Variants in MYPN observed in about 807,000 individuals in gnomAD.
MYPN encodes myopalladin, also known as sarcomeric protein myopalladin, 145 kDa (MYOP).
MYPN carries 63 observed loss-of-function variants against 129.4 expected under a neutral mutation model. That is an observed-to-expected ratio of 0.49 (90% CI 0.40 to 0.60). The LOEUF (loss-of-function observed/expected upper bound fraction) is 0.60. MYPN is among the 20% of genes least tolerant of loss of function. MYPN has a pLI of 0.00. For synonymous variants in MYPN, 629 were observed against 600.9 expected, an observed-to-expected ratio of 1.05 and a Z score of -0.68; for missense variants, 1,596 against 1,635.4, an observed-to-expected ratio of 0.98 and a Z score of 0.42.
At chr10:68,160,584 C>T (rs1388859173) in intron 7 of MYPN, among the ~76,000 whole-genome samples, 1 of 152,116 alleles carries the variant, frequency 6.6e-6, no homozygotes, top group Non-Finnish European at 1.5e-5. Flanking sequence ...CCACCGTGGG[C>T]ACTTTCATGA....
At position 68,179,311 on chromosome 10, in the gene MYPN, G is replaced by C. The variant is rs181883627; in HGVS notation, c.2703+3850G>C. Among the ~76,000 whole-genome samples, 7 of 152,270 alleles carry C rather than the reference G, an allele frequency of 4.6e-5. No homozygotes were observed. The East Asian group carries it at 9.6e-4, about 21-fold the overall frequency. ...CTTTGGGCATTTCAGGACCTTGGCT[G>C]CTGGGATAGTGAAGTGTCTCTGTAT... is the stretch of plus-strand genomic sequence containing the variant. On this transcript the variant is annotated intron_variant, in intron 12 of 19. Transcript: ENST00000358913.
chr10:68,183,679 A>G (rs1467136632), intron 12 of MYPN, among the ~76,000 whole-genome samples: 1 of 152,198 alleles, frequency 6.6e-6, no homozygotes, highest in African/African-American at 2.4e-5. Flanking sequence ...ATTTGAGGAC[A>G]TAATAAAACA....
At chr10:68,160,407 G>A (rs1292028910) in intron 7 of MYPN, among the ~76,000 whole-genome samples, 6 of 118,522 alleles carry the variant, frequency 5.1e-5, no homozygotes, top group African/African-American at 2.0e-4. Context: ...TCCAGCCTGA[G>A]CAACAGAGTG....
At chr10:68,200,726 C>T (rs2043695624) in intron 17 of MYPN, among the ~76,000 whole-genome samples, 2 of 151,930 alleles carry the variant, frequency 1.3e-5, no homozygotes, top group Non-Finnish European at 2.9e-5. Context: ...CCACTGCACT[C>T]CAGCCTGGGT....
intron 2 of MYPN, among the ~76,000 whole-genome samples, chr10:68,130,747 A>G (rs2042397409): frequency 6.6e-6 from 1 of 152,136 alleles, no homozygotes; most frequent in South Asian, 2.1e-4. Flanking sequence ...GTCTTCTAAA[A>G]ATTTTGTAAT....
At chr10:68,117,327 T>C (rs749882265) in intron 1 of MYPN, among the ~76,000 whole-genome samples, 13 of 151,678 alleles carry the variant, frequency 8.6e-5, no homozygotes, top group Non-Finnish European at 1.6e-4. Context: ...CTATGTGCTA[T>C]GTGGGTGCAG....
chr10:68,174,039 C>G (rs1271540668), intron 10 of MYPN, 27 bp from the exon 11 acceptor site: 1 of 1,535,046 alleles, frequency 6.5e-7, no homozygotes, highest in East Asian at 2.2e-5. Flanking sequence ...ATTTCCTTCT[C>G]TCTCTCCACC....
chr10:68,175,458 G>T lies in MYPN; in HGVS notation c.2700G>T (p.Gln900His). ...KITFSDVRPN[Q>H]QEYKISSFEQ... ...CTTTCAGTGATGTCAGACCAAACCA[G>T]CAGGTAAGATTGTTGGATTTAGAAG... Residue 900 changes from glutamine to histidine, a missense_variant, in exon 12 of 20, where the codon CAG becomes CAT. Transcript: ENST00000358913. 1 of 1,614,072 alleles carries T rather than the reference G, an allele frequency of 6.2e-7. No homozygotes were observed. Among genetic ancestry groups the T allele is most frequent in the Middle Eastern group, 1.6e-4 (1 of 6,062 alleles).
chr10:68,123,577 T>A (rs1412695853), intron 2 of MYPN, among the ~76,000 whole-genome samples: 1 of 148,974 alleles, frequency 6.7e-6, no homozygotes, highest in Non-Finnish European at 1.5e-5. Context: ...TCCCAGCTAC[T>A]TGAGAGGCTG....
At chr10:68,091,178 G>A (rs2041929594) in intron 1 of MYPN, among the ~76,000 whole-genome samples, 1 of 152,022 alleles carries the variant, frequency 6.6e-6, no homozygotes, top group Non-Finnish European at 1.5e-5. Context: ...AGAAAGGCAG[G>A]TAATTGATTA....
Position 68,211,438 on chromosome 10 carries a change from A to G in MYPN, c.*983A>G, listed in dbSNP as rs1352548212. The G allele has an allele frequency of 2.2e-6, 1 of 453,994 alleles. No individual in the cohort carries two copies. The highest frequency in any genetic ancestry group is 2.0e-5 in the African/African-American group (1 of 50,010). 28.1% of individuals were successfully genotyped at this position (453,994 alleles called of 1,614,324 possible). Reference sequence around the variant, plus strand: ...GAGTGTTGTTTTTGTCACTTGCCCCAGCAGAGCAGGGGTTTTGGAAGGAGA... The same window carrying G: ...GAGTGTTGTTTTTGTCACTTGCCCCGGCAGAGCAGGGGTTTTGGAAGGAGA... On this transcript the variant is annotated 3_prime_UTR_variant, in exon 20 of 20. Coordinates refer to ENST00000358913, the MANE Select transcript of MYPN (RefSeq NM_032578.4).
intron 17 of MYPN, among the ~76,000 whole-genome samples, chr10:68,200,541 T>C (rs1318333917): frequency 1.3e-5 from 2 of 152,078 alleles, no homozygotes; most frequent in Non-Finnish European, 2.9e-5. Context: ...GTGGATCACC[T>C]GAGGTTAGGA....
At chr10:68,137,356 G>A (rs892065116) in intron 2 of MYPN, among the ~76,000 whole-genome samples, 5 of 152,136 alleles carry the variant, frequency 3.3e-5, no homozygotes, top group Non-Finnish European at 1.5e-5. Context: ...AACAGGAGGA[G>A]TATTTTAATA....
Position 68,141,800 on chromosome 10 carries a change from C to T in MYPN, c.903-1140C>T, listed in dbSNP as rs558712475. On this transcript the variant is annotated intron_variant, in intron 2 of 19. Transcript: ENST00000358913. ...TATGGTGGGGCGACATAATGAAACC[C>T]GTAAACCCCATTTCTTATACAAGGC... Among the ~76,000 whole-genome samples, 39 of 152,166 alleles carry T rather than the reference C, an allele frequency of 2.6e-4. No individual in the cohort carries two copies. In the South Asian group the frequency reaches 4.4e-3, roughly 17 times the overall value.
At chr10:68,192,034 C>T (rs2043521855) in intron 13 of MYPN, among the ~76,000 whole-genome samples, 1 of 152,090 alleles carries the variant, frequency 6.6e-6, no homozygotes, top group Non-Finnish European at 1.5e-5. Context: ...ACTTTTAGGG[C>T]TACATCAGAT....
At chr10:68,198,217 T>A (rs769880662) in intron 16 of MYPN, among the ~76,000 whole-genome samples, 4 of 152,212 alleles carry the variant, frequency 2.6e-5, no homozygotes, top group Non-Finnish European at 4.4e-5. Flanking sequence ...TAAAGCCATA[T>A]GGTGTGATTT....
intron 3 of MYPN, among the ~76,000 whole-genome samples, chr10:68,144,029 A>G (rs1478731879): frequency 6.6e-6 from 1 of 152,176 alleles, no homozygotes; most frequent in Non-Finnish European, 1.5e-5. Flanking sequence ...TGCTGGGATT[A>G]TAGGTGTGAG....
At chr10:68,195,789 GCT>G (rs751716567) in intron 15 of MYPN, among the ~76,000 whole-genome samples, 3 of 151,680 alleles carry the variant, frequency 2.0e-5, no homozygotes, top group African/African-American at 7.3e-5. Flanking sequence ...AGTCTCTGGG[GCT>G]TTTTTTTTAA....
At chr10:68,182,284 T>TATATATATAACATATATATAACACACAC (rs1185979463) in intron 12 of MYPN, among the ~76,000 whole-genome samples, 4 of 101,412 alleles carry the variant, frequency 3.9e-5, no homozygotes, top group African/African-American at 1.5e-4. Flanking sequence ...ATAACACACA[T>TATATATATAACATATATATAACACACAC]ATATATATAA....
Sources: gnomAD v4.1 joint callset for allele counts (sites outside exome capture counted in the v4.1 genomes callset) on GRCh38, gnomAD v4.1.1 for gene constraint, MANE v1.5 for transcripts, NCBI Gene and HGNC (gene_info 2026-07-23, HGNC 2026-07-21) for gene names.